The following THOP1 variants were observed in gnomAD, a reference collection of about 807,000 sequenced individuals.
THOP1 encodes the protein thimet oligopeptidase.
A neutral mutation model predicts 71.8 loss-of-function variants in THOP1; 49 were observed. The observed-to-expected ratio is 0.68, with a 90% CI of 0.54 to 0.87. The LOEUF is 0.87. THOP1 is among the 40% of genes least tolerant of loss of function. The pLI is 0.00. For missense variants in THOP1, 843 were observed against 975.6 expected (o/e 0.86, Z 1.81); for synonymous variants, 426 against 421.5 (o/e 1.01, Z -0.13).
rs1916086791 is a variant in THOP1, at chr19:2,799,248, T to G, written c.487-441T>G. Among the ~76,000 whole-genome samples, 3 of 151,928 alleles carry G rather than the reference T, an allele frequency of 2.0e-5. 1 individual carries two copies. Among genetic ancestry groups the G allele is most frequent in the South Asian group, 4.1e-4 (2 of 4,820 alleles). ...GGCTAAGGCAGGAGGATCAATTGAG[T>G]TGGGAGGTTGAGGCTGCAGTGAGTC... On this transcript the variant is annotated intron_variant, in intron 4 of 12. Coordinates refer to ENST00000307741, the MANE Select transcript of THOP1 (RefSeq NM_003249.5).
At position 2,813,096 on chromosome 19, in the gene THOP1, T is replaced by A. The variant is rs973556625; in HGVS notation, c.1909-19T>A. ...TCCCTGGGTCCCCACCCGGCCACAG[T>A]GCCCTGTCTCCTCGGCAGGTTGGCA... On this transcript the variant is annotated intron_variant, in intron 12 of 12. Coordinates refer to ENST00000307741, the MANE Select transcript of THOP1 (RefSeq NM_003249.5). The A allele has an allele frequency of 6.3e-7, 1 of 1,596,944 alleles. No individual in the cohort carries two copies. Among genetic ancestry groups the A allele is most frequent in the African/African-American group, 1.3e-5 (1 of 74,314 alleles).
chr19:2,811,640 A>G lies in THOP1; in HGVS notation c.1814A>G (p.Tyr605Cys). 6.2e-7 allele frequency: 1 copy of G among 1,613,442 alleles called. No homozygotes were observed. The highest frequency in any genetic ancestry group is 8.5e-7 in the Non-Finnish European group (1 of 1,179,944). Residue 605 changes from tyrosine to cysteine, a missense_variant, in exon 12 of 13, where the codon TAC becomes TGC. By Grantham distance (194) the Tyr-to-Cys change is radical (BLOSUM62 -2). Transcript: ENST00000307741. ...PATFGHLAGGYDAQYYGYLWS... is the reference protein window; with the variant it reads ...PATFGHLAGGCDAQYYGYLWS... ...ACCTTCGGCCATCTGGCAGGTGGCT[A>G]CGACGCCCAGTACTACGGGTACCTG... is the stretch of plus-strand genomic sequence containing the variant.
intron 1 of THOP1, among the ~76,000 whole-genome samples, chr19:2,788,588 C>G (rs1479991828): frequency 6.6e-6 from 1 of 152,190 alleles, no homozygotes; most frequent in Non-Finnish European, 1.5e-5. Context: ...AAGCGGTTCT[C>G]CTGCCTCAGC....
chr19:2,794,241 CTGACCTCAAG>C (rs1381042017), intron 2 of THOP1, among the ~76,000 whole-genome samples: 3 of 152,112 alleles, frequency 2.0e-5, no homozygotes, highest in African/African-American at 7.2e-5. Context: ...TCTCGGACTC[CTGACCTCAAG>C]TGATCTGCCT....
chr19:2,813,134 G>T lies in THOP1; in HGVS notation c.1928G>T (p.Ser643Ile), dbSNP rs1599535426. Residue 643 changes from serine (S) to isoleucine (I), a missense_variant, in exon 13 of 13, where the codon AGC becomes ATC. Coordinates refer to ENST00000307741, the MANE Select transcript of THOP1 (RefSeq NM_003249.5). Reference protein sequence around the residue: ...LNSKVGMDYRSCILRPGGSED... With the variant: ...LNSKVGMDYRICILRPGGSED... ...CGGCAGGTTGGCATGGATTACAGAAGCTGCATCCTGAGACCCGGCGGTTCC... is the reference window on the plus strand; with the variant it reads ...CGGCAGGTTGGCATGGATTACAGAATCTGCATCCTGAGACCCGGCGGTTCC... 2 of 1,611,334 alleles carry T rather than the reference G, an allele frequency of 1.2e-6. No homozygotes were observed.
intron 1 of THOP1, 151 bp downstream of exon 1, chr19:2,785,829 C>T (rs533346004): frequency 5.8e-5 from 37 of 633,392 alleles, no homozygotes; most frequent in African/African-American, 1.5e-4. Context: ...CGACCCTGCT[C>T]TCTCGTTTGC....
intron 12 of THOP1, 137 bp from the exon 13 acceptor site, chr19:2,812,978 G>C (rs574778310): frequency 7.3e-5 from 72 of 987,624 alleles, no homozygotes; most frequent in Non-Finnish European, 1.0e-4. Flanking sequence ...TGCTGATGCA[G>C]GCGGCCCCCG....
Position 2,790,480 on chromosome 19 carries a change from T to A in THOP1, c.76T>A (p.Trp26Arg). ...GTGCTCTGTGGTAAACGACCTGCGG[T>A]GGGACCTGAGTGCCCAGCAGATAGA... ...SPCSVVNDLRWDLSAQQIEER... is the reference protein window; with the variant it reads ...SPCSVVNDLRRDLSAQQIEER... The change falls in exon 2 of 13, where the codon TGG becomes AGG. Residue 26 changes from tryptophan to arginine, a missense_variant. Physicochemically the swap from Trp to Arg is moderately radical, Grantham distance 101. Transcript: ENST00000307741. The A allele has an allele frequency of 6.2e-7, 1 of 1,604,124 alleles. No individual in the cohort carries two copies. Among genetic ancestry groups the A allele is most frequent in the Non-Finnish European group, 8.5e-7 (1 of 1,174,904 alleles).
At position 2,810,411 on chromosome 19, in the gene THOP1, G is replaced by A; in HGVS notation, c.1563G>A (p.Met521Ile). The change falls in exon 10 of 13, where the codon ATG becomes ATA. Residue 521 changes from methionine to isoleucine, a missense_variant. Met to Ile is a conservative substitution (Grantham distance 10). Coordinates refer to ENST00000307741, the MANE Select transcript of THOP1 (RefSeq NM_003249.5). ...GGGAGCAGGAGCCGCTGCTGCGGATGTCGCGGCACTACCGCACAGGCAGCG... is the reference window on the plus strand; with the variant it reads ...GGGAGCAGGAGCCGCTGCTGCGGATATCGCGGCACTACCGCACAGGCAGCG... ...WVWEQEPLLR[M>I]SRHYRTGSAV... The A allele has an allele frequency of 1.2e-6, 2 of 1,608,810 alleles. No individual in the cohort carries two copies. The highest frequency in any genetic ancestry group is 1.7e-6 in the Non-Finnish European group (2 of 1,179,162).
Position 2,813,230 on chromosome 19 carries a change from A to C in THOP1, c.2024A>C (p.Lys675Thr). 1 of 1,611,634 alleles carries C rather than the reference A, an allele frequency of 6.2e-7. No homozygotes were observed. Among genetic ancestry groups the C allele is most frequent in the Non-Finnish European group, 8.5e-7 (1 of 1,179,602 alleles). Reference sequence around the variant, plus strand: ...AAGCAGGACGCCTTCCTCCTGAGCAAGGGGCTGCAGGTCGGGGGCTGCGAG... The same window carrying C: ...AAGCAGGACGCCTTCCTCCTGAGCACGGGGCTGCAGGTCGGGGGCTGCGAG... ...DPKQDAFLLSKGLQVGGCEPE... is the reference protein window; with the variant it reads ...DPKQDAFLLSTGLQVGGCEPE... The change falls in exon 13 of 13, where the codon AAG becomes ACG. Residue 675 changes from lysine to threonine, a missense_variant. Lys to Thr is a moderately conservative substitution (Grantham distance 78, BLOSUM62 -1). Coordinates refer to ENST00000307741, the MANE Select transcript of THOP1 (RefSeq NM_003249.5).
At chr19:2,787,815 G>A (rs75416760) in intron 1 of THOP1, among the ~76,000 whole-genome samples, 3,809 of 152,240 alleles carry the variant, frequency 0.025, 155 homozygotes, top group African/African-American at 0.087. Flanking sequence ...GGCCGGGGAC[G>A]CTGCTCAGCA....
chr19:2,796,862 C>G (rs1916028395), intron 4 of THOP1, among the ~76,000 whole-genome samples: 1 of 152,204 alleles, frequency 6.6e-6, no homozygotes, highest in South Asian at 2.1e-4. Context: ...GAGGGGAGCC[C>G]CTCCACCCAC....
rs565098311 is a variant in THOP1 at position 2,811,508 on chromosome 19, G to C, written c.1772-90G>C. ...TCCAGCTTCTCCCTGTTCCGGGCAGGGGTCTCAGGAGTCTGGCTGGTTGTC... is the reference window on the plus strand; with the variant it reads ...TCCAGCTTCTCCCTGTTCCGGGCAGCGGTCTCAGGAGTCTGGCTGGTTGTC... On this transcript the variant is annotated intron_variant, in intron 11 of 12. Coordinates refer to ENST00000307741, the MANE Select transcript of THOP1 (RefSeq NM_003249.5). The C allele has an allele frequency of 5.3e-6, 8 of 1,504,106 alleles. No individual in the cohort carries two copies. The South Asian group carries it at 1.0e-4, about 20-fold the overall frequency. The allele number at this position is 1,504,106 out of a possible 1,614,324, so 93.2% of individuals were successfully genotyped here. A position where few individuals can be genotyped will look rare whatever the true frequency, so the allele number is the denominator to read the frequency against.
intron 5 of THOP1, 57 bp downstream of exon 5, chr19:2,799,848 C>G: frequency 6.7e-7 from 1 of 1,492,238 alleles, no homozygotes; most frequent in Non-Finnish European, 9.3e-7. Flanking sequence ...CAGTGCAGGC[C>G]TGCCAGGCCC....
At chr19:2,803,924 C>T (rs1399211669) in intron 5 of THOP1, among the ~76,000 whole-genome samples, 1 of 151,682 alleles carries the variant, frequency 6.6e-6, no homozygotes, top group Non-Finnish European at 1.5e-5. Context: ...CTTTCCACCC[C>T]TACTGCCCTG....
At chr19:2,812,988 G>A (rs572362227) in intron 12 of THOP1, 127 bp from the exon 13 acceptor site, 41 of 1,185,220 alleles carry the variant, frequency 3.5e-5, no homozygotes, top group South Asian at 6.5e-5. Flanking sequence ...GGCGGCCCCC[G>A]GGCCTCCCTG....
At chr19:2,803,470 C>T (rs931846437) in intron 5 of THOP1, among the ~76,000 whole-genome samples, 2 of 152,182 alleles carry the variant, frequency 1.3e-5, no homozygotes, top group Non-Finnish European at 2.9e-5. Flanking sequence ...AGAGCAAGAC[C>T]CTTTTTCTAA....
intron 7 of THOP1, 146 bp from the exon 8 acceptor site, chr19:2,807,296 T>C: frequency 7.5e-7 from 1 of 1,340,044 alleles, no homozygotes; most frequent in Non-Finnish European, 9.9e-7. Context: ...AGCGTGAGGA[T>C]GCTCGGCCCC....
At chr19:2,809,155 A>G (rs778533680) in intron 9 of THOP1, among the ~76,000 whole-genome samples, 29 of 152,236 alleles carry the variant, frequency 1.9e-4, no homozygotes, top group Non-Finnish European at 3.8e-4. Context: ...GTGTTCGCCA[A>G]CTGATCATTC....
Sources: allele counts gnomAD v4.1 joint callset (sites outside exome capture counted in the v4.1 genomes callset), GRCh38; gene constraint gnomAD v4.1.1; transcripts MANE v1.5; gene names NCBI Gene and HGNC (gene_info 2026-07-23, HGNC 2026-07-21).